GCKR: variants seen among roughly 807,000 people sequenced by gnomAD.
GCKR encodes glucokinase regulator.
Under a neutral mutation model 82.9 loss-of-function variants are expected in GCKR, and 73 were observed. That is an observed-to-expected ratio of 0.88 (90% CI 0.73 to 1.07). The LOEUF is 1.07. Ranked by LOEUF, GCKR falls within the 50% of genes least tolerant of loss-of-function variation. GCKR has a pLI of 0.00. For synonymous variants in GCKR, 294 were observed against 291.8 expected (o/e 1.01, Z -0.08); for missense variants, 784 against 782.1 (o/e 1.00, Z -0.03).
chr2:27,522,416 C>T lies in GCKR; in HGVS notation c.1573-44C>T, dbSNP rs768815796. On this transcript the variant is annotated intron_variant, in intron 17 of 18. Transcript: ENST00000264717. Reference sequence around the variant, plus strand: ...TCTCCCTTGACTCCATTCTTAGTTCCTCTGGCCTTTAGCCTGACACTGATC... The same window carrying T: ...TCTCCCTTGACTCCATTCTTAGTTCTTCTGGCCTTTAGCCTGACACTGATC... The T allele has an allele frequency of 3.7e-6, 6 of 1,609,520 alleles. No homozygotes were observed. In the Admixed American group the frequency reaches 1.0e-4, roughly 27 times the overall value.
At chr2:27,507,340 T>TGG in intron 13 of GCKR, 29 bp downstream of exon 13, 1 of 1,409,342 alleles carries the variant, frequency 7.1e-7, no homozygotes, top group Non-Finnish European at 1.0e-6. Context: ...TTGGGGAAGC[T>TGG]GGGGAGACCA....
intron 8 of GCKR, 96 bp from the exon 9 acceptor site, chr2:27,503,418 A>G (rs1669632251): frequency 1.3e-6 from 1 of 752,926 alleles, no homozygotes; most frequent in South Asian, 1.4e-5. Context: ...CTCTGACCTC[A>G]ATCCCAATGC....
In GCKR at chr2:27,518,766, C is replaced by G. The variant is rs8179236; in HGVS notation, c.1423-22C>G. On this transcript the variant is annotated intron_variant, in intron 16 of 18. Transcript: ENST00000264717. ...TTTCTGTCCTCTAATTTTTGACACC[C>G]CCATGTGTCTGCCCTTTTCAGAAGT... is the stretch of plus-strand genomic sequence containing the variant. 70,481 of 1,605,062 alleles carry G rather than the reference C, an allele frequency of 0.044. 1,941 individuals carry two copies. Among genetic ancestry groups the G allele is most frequent in the Admixed American group, 0.064 (3,820 of 60,010 alleles).
At chr2:27,513,909 T>TTGTG (rs57848910) in intron 16 of GCKR, among the ~76,000 whole-genome samples, 2,733 of 144,726 alleles carry the variant, frequency 0.019, 44 homozygotes, top group Non-Finnish European at 0.026. Context: ...TTATTTGCAT[T>TTGTG]TGTGTGTGTG....
Position 27,521,497 on chromosome 2 carries a change from AT to A in GCKR, c.1573-946del, listed in dbSNP as rs373060500. 8.7e-3 allele frequency among the ~76,000 whole-genome samples: 1,187 copies of A among 136,250 alleles called. 12 individuals carry two copies. The highest frequency in any genetic ancestry group is 0.025 in the African/African-American group (925 of 36,600). The allele number at this position is 136,250 out of a possible 152,430, so 89.4% of individuals were successfully genotyped here. On this transcript the variant is annotated intron_variant, in intron 17 of 18. Transcript: ENST00000264717. ...AGGCATGCGCCACCACACCCAGCTAATTTTTTTTTTTTTTTTTGTATTTTTA... is the reference window on the plus strand; with the variant it reads ...AGGCATGCGCCACCACACCCAGCTAATTTTTTTTTTTTTTTTGTATTTTTA...
chr2:27,498,917 T>C (rs187988742), intron 5 of GCKR, 120 bp downstream of exon 5: 2 of 754,998 alleles, frequency 2.6e-6, no homozygotes, highest in African/African-American at 3.4e-5. Context: ...CCATTCCTTA[T>C]TCCCTCACAC....
At chr2:27,514,014 A>G (rs1669947287) in intron 16 of GCKR, among the ~76,000 whole-genome samples, 1 of 151,280 alleles carries the variant, frequency 6.6e-6, no homozygotes, top group Non-Finnish European at 1.5e-5. Flanking sequence ...GCTCACCTAT[A>G]CTTTCCCTGA....
chr2:27,510,746 CA>C (rs1400310023), intron 16 of GCKR, among the ~76,000 whole-genome samples: 1 of 151,744 alleles, frequency 6.6e-6, no homozygotes, highest in Non-Finnish European at 1.5e-5. Flanking sequence ...ATATATTGGC[CA>C]TTTGATACTT....
At chr2:27,520,837 AC>A (rs1337127108) in intron 17 of GCKR, among the ~76,000 whole-genome samples, 12 of 151,978 alleles carry the variant, frequency 7.9e-5, no homozygotes, top group Non-Finnish European at 1.6e-4. Context: ...GGAGTTCGAG[AC>A]CAGCCTGGCC....
rs913278061 is a variant in GCKR, at chr2:27,523,573, G to A, written c.*134G>A. 1.2e-6 allele frequency: 1 copy of A among 840,148 alleles called. No homozygotes were observed. The highest frequency in any genetic ancestry group is 1.7e-5 in the African/African-American group (1 of 60,082). The allele number at this position is 840,148 out of a possible 1,614,324, so 52.0% of individuals were successfully genotyped here. On this transcript the variant is annotated 3_prime_UTR_variant, in exon 19 of 19. Transcript: ENST00000264717. Reference sequence around the variant, plus strand: ...CAGGGCATCCGCAGCCCAGGGTAGGGAGAAATATTCTCTCCACTTTGGGGG... The same window carrying A: ...CAGGGCATCCGCAGCCCAGGGTAGGAAGAAATATTCTCTCCACTTTGGGGG...
Position 27,508,082 on chromosome 2 carries a change from T to G in GCKR, c.1338+8T>G. ...GTGGGTCAGACCTTGCTGGTGAGAG[T>G]CCAGCCGTGACAAAGGGACCCAGGT... On this transcript the variant is annotated splice_region_variant and intron_variant, in intron 15 of 18. Coordinates refer to ENST00000264717, the MANE Select transcript of GCKR (RefSeq NM_001486.4). 1.9e-6 allele frequency: 3 copies of G among 1,608,258 alleles called. No homozygotes were observed. Among genetic ancestry groups the G allele is most frequent in the Non-Finnish European group, 2.6e-6 (3 of 1,175,032 alleles).
chr2:27,506,816 G>T lies in GCKR; in HGVS notation c.997G>T (p.Val333Phe), dbSNP rs137875032. 76 of 1,613,430 alleles carry T rather than the reference G, an allele frequency of 4.7e-5. No individual in the cohort carries two copies. The highest frequency in any genetic ancestry group is 1.6e-4 in the Middle Eastern group (1 of 6,062). The change falls in exon 12 of 19, where the codon GTT (valine) becomes TTT (phenylalanine). Residue 333 changes from valine (V) to phenylalanine (F), a missense_variant. Coordinates refer to ENST00000264717, the MANE Select transcript of GCKR (RefSeq NM_001486.4). Reference protein sequence around the residue: ...SLEKKGHVYLVGWQTLGIIAI... With the variant: ...SLEKKGHVYLFGWQTLGIIAI... The stretch of plus-strand genomic sequence containing the variant: ...GGAGAAGAAAGGCCACGTGTACCTG[G>T]TTGGCTGGCAGACCCTGGGCATCAT...
At chr2:27,512,465 G>A (rs1229539778) in intron 16 of GCKR, among the ~76,000 whole-genome samples, 2 of 151,188 alleles carry the variant, frequency 1.3e-5, no homozygotes, top group Non-Finnish European at 2.9e-5. Context: ...AACCTGGGAG[G>A]TGGAGGTTGC....
At chr2:27,516,628 C>G (rs1670017552) in intron 16 of GCKR, among the ~76,000 whole-genome samples, 2 of 152,130 alleles carry the variant, frequency 1.3e-5, no homozygotes, top group African/African-American at 4.8e-5. Context: ...CTGGCTATAT[C>G]CAGGCCGATT....
chr2:27,506,568 T>A lies in GCKR; in HGVS notation c.957T>A (p.Ser319Arg). The A allele has an allele frequency of 6.2e-7, 1 of 1,607,006 alleles. No homozygotes were observed. The highest frequency in any genetic ancestry group is 8.5e-7 in the Non-Finnish European group (1 of 1,173,608). Residue 319 changes from serine to arginine, a missense_variant, in exon 11 of 19, where the codon AGT becomes AGA. Ser to Arg is a moderately radical substitution (Grantham distance 110). Transcript: ENST00000264717. Reference sequence around the variant, plus strand: ...CCAAGATTGCCACCCTGATGAAGAGTGTCAGCACCAGGTGTGTGGATATGT... The same window carrying A: ...CCAAGATTGCCACCCTGATGAAGAGAGTCAGCACCAGGTGTGTGGATATGT... ...QSPKIATLMKSVSTSLEKKGH... is the reference protein window; with the variant it reads ...QSPKIATLMKRVSTSLEKKGH...
intron 16 of GCKR, among the ~76,000 whole-genome samples, chr2:27,513,916 T>G (rs1197284847): frequency 2.5e-5 from 2 of 81,382 alleles, no homozygotes; most frequent in African/African-American, 1.5e-4. Flanking sequence ...CATTTGTGTG[T>G]GTGTGTGTGT....
At chr2:27,501,757 T>C (rs1414226024) in intron 8 of GCKR, 1 of 471,362 alleles carries the variant, frequency 2.1e-6, no homozygotes, top group Non-Finnish European at 4.4e-6. Context: ...AGCCCCTCAT[T>C]ACCAAATCAC....
At chr2:27,498,626 A>G in intron 4 of GCKR, 98 bp from the exon 5 acceptor site, 1 of 806,278 alleles carries the variant, frequency 1.2e-6, no homozygotes, top group Non-Finnish European at 2.2e-6. Flanking sequence ...CTGGTCTAAG[A>G]GAATCATTAT....
intron 17 of GCKR, among the ~76,000 whole-genome samples, chr2:27,521,515 G>C (rs1006519408): frequency 1.2e-5 from 1 of 81,342 alleles, no homozygotes; most frequent in African/African-American, 4.8e-5. Flanking sequence ...TTTTTTTTTT[G>C]TATTTTTAGT....
Sources: gnomAD v4.1 joint callset for allele counts (sites outside exome capture counted in the v4.1 genomes callset) on GRCh38, gnomAD v4.1.1 for gene constraint, MANE v1.5 for transcripts, NCBI Gene and HGNC (gene_info 2026-07-23, HGNC 2026-07-21) for gene names.